The following SLC7A1 variants were observed in gnomAD, a reference collection of about 807,000 sequenced individuals.
SLC7A1 encodes the protein solute carrier family 7 member 1, also known as high affinity cationic amino acid transporter 1.
In SLC7A1, 10 loss-of-function variants were observed where a neutral mutation model predicts 53.9. The observed-to-expected ratio is 0.19, with a 90% confidence interval of 0.11 to 0.31. The LOEUF is 0.31. SLC7A1 is among the 10% of genes least tolerant of loss of function. The probability of loss-of-function intolerance (pLI) is 1.00; values close to 1 mark genes in which losing one functional copy is unlikely to be tolerated. For synonymous variants in SLC7A1, 342 were observed against 338.7 expected, an observed-to-expected ratio of 1.01 and a Z score of -0.11; for missense variants, 525 against 827.2, an observed-to-expected ratio of 0.63 and a Z score of 4.48.
At chr13:29,574,787 G>A (rs819385) in intron 1 of SLC7A1, among the ~76,000 whole-genome samples, 3,155 of 151,822 alleles carry the variant, frequency 0.021, 106 homozygotes, top group African/African-American at 0.071. Flanking sequence ...TGGGACTACA[G>A]GTGCGCGCCA....
chr13:29,577,346 C>T (rs1179075098), intron 1 of SLC7A1, among the ~76,000 whole-genome samples: 1 of 152,222 alleles, frequency 6.6e-6, no homozygotes, highest in Non-Finnish European at 1.5e-5. Flanking sequence ...CCAGATTCAG[C>T]AGGCTCCCAC....
chr13:29,536,974 T>C (rs1016165152), intron 2 of SLC7A1, among the ~76,000 whole-genome samples: 8 of 152,218 alleles, frequency 5.3e-5, no homozygotes, highest in Admixed American at 3.3e-4. Context: ...CATGCCCCAT[T>C]AGGGCCCAGG....
intron 2 of SLC7A1, among the ~76,000 whole-genome samples, chr13:29,539,209 C>T (rs146855050): frequency 0.012 from 1,758 of 152,258 alleles, 28 homozygotes; most frequent in African/African-American, 0.039. Flanking sequence ...TTGTCCTAGG[C>T]AGAACCAAAG....
chr13:29,554,234 A>C (rs1185434019), intron 1 of SLC7A1, among the ~76,000 whole-genome samples: 2 of 152,192 alleles, frequency 1.3e-5, no homozygotes, highest in Non-Finnish European at 2.9e-5. Flanking sequence ...ATGAAGGGGA[A>C]CGAGTCCGCT....
intron 2 of SLC7A1, among the ~76,000 whole-genome samples, chr13:29,545,314 C>G (rs1190306507): frequency 2.6e-5 from 4 of 152,186 alleles, no homozygotes; most frequent in Non-Finnish European, 5.9e-5. Flanking sequence ...ACCCTCTGCC[C>G]ACCCCCTTCA....
chr13:29,518,200 G>C (rs145601783), intron 9 of SLC7A1, among the ~76,000 whole-genome samples: 9 of 152,346 alleles, frequency 5.9e-5, no homozygotes, highest in Non-Finnish European at 5.9e-5. Context: ...TTGGCACAGA[G>C]AGCCAGAGAA....
chr13:29,514,633 C>T, intron 12 of SLC7A1, 50 bp from the exon 13 acceptor site: 1 of 1,417,898 alleles, frequency 7.1e-7, no homozygotes, highest in African/African-American at 1.4e-5. Flanking sequence ...GGTTGCACCA[C>T]CGCAGGCAGG....
intron 1 of SLC7A1, among the ~76,000 whole-genome samples, chr13:29,561,655 G>A (rs1168076784): frequency 2.0e-5 from 3 of 152,298 alleles, no homozygotes; most frequent in East Asian, 1.9e-4. Flanking sequence ...GGAGAGTGAT[G>A]GAGGACAGAA....
In SLC7A1 at chr13:29,516,305, T is replaced by C. The variant is rs1883553123; in HGVS notation, c.1678-59A>G. On this transcript the variant is annotated intron_variant, in intron 11 of 12. Transcript: ENST00000380752. The stretch of plus-strand genomic sequence containing the variant: ...AGTGGCGCCGGTTCCAATAGTTCAG[T>C]AAAACTGTCTAGTAAAGGCAGCACA... 8.4e-6 allele frequency: 9 copies of C among 1,077,724 alleles called. No homozygotes were observed. In the South Asian group the frequency reaches 1.2e-4, roughly 14 times the overall value. 66.8% of individuals were successfully genotyped at this position (1,077,724 alleles called of 1,614,324 possible).
At chr13:29,546,058 GGCTCCTC>G (rs1353204069) in intron 2 of SLC7A1, among the ~76,000 whole-genome samples, 6 of 152,182 alleles carry the variant, frequency 3.9e-5, no homozygotes, top group African/African-American at 1.4e-4. Flanking sequence ...TTGGAGCCAG[GGCTCCTC>G]TGACACGTGC....
intron 4 of SLC7A1, 97 bp downstream of exon 4, chr13:29,532,727 G>T: frequency 8.9e-7 from 1 of 1,119,884 alleles, no homozygotes; most frequent in Non-Finnish European, 1.3e-6. Flanking sequence ...GGGGGTTATG[G>T]TTAAAGAGAT....
chr13:29,576,956 G>T (rs1304392117), intron 1 of SLC7A1, among the ~76,000 whole-genome samples: 2 of 152,136 alleles, frequency 1.3e-5, no homozygotes, highest in East Asian at 3.9e-4. Context: ...GGTAGCTCTG[G>T]GTCAGAGGGG....
chr13:29,530,854 TG>T lies in SLC7A1; in HGVS notation c.530-143del. 3 of 632,854 alleles carry T rather than the reference TG, an allele frequency of 4.7e-6. No homozygotes were observed. The South Asian group carries it at 6.3e-5, about 13-fold the overall frequency. 39.2% of individuals were successfully genotyped at this position (632,854 alleles called of 1,614,324 possible). A position where few individuals can be genotyped will look rare whatever the true frequency, so the allele number is the denominator to read the frequency against. On this transcript the variant is annotated intron_variant, in intron 4 of 12. Coordinates refer to ENST00000380752, the MANE Select transcript of SLC7A1 (RefSeq NM_003045.5). ...GCAGACCTCTGTGAGCCTCTGGGAA[TG>T]GGGTGGATTAATTATCTTTCTGGGG...
chr13:29,561,300 A>C (rs967128959), intron 1 of SLC7A1, among the ~76,000 whole-genome samples: 1 of 152,196 alleles, frequency 6.6e-6, no homozygotes, highest in Non-Finnish European at 1.5e-5. Context: ...GGTCGACGTC[A>C]CAGTTAGTGG....
chr13:29,549,956 C>T lies in SLC7A1; in HGVS notation c.-15+3805G>A, dbSNP rs1275906195. Among the ~76,000 whole-genome samples, 4 of 152,182 alleles carry T rather than the reference C, an allele frequency of 2.6e-5. No individual in the cohort carries two copies. The East Asian group carries it at 7.7e-4, about 29-fold the overall frequency. The stretch of plus-strand genomic sequence containing the variant: ...GGGATTACAGATGTGAGCAACCATG[C>T]CCAGCCACTTCTATTGTTTTTTAAG... On this transcript the variant is annotated intron_variant, in intron 2 of 12. Coordinates refer to ENST00000380752, the MANE Select transcript of SLC7A1 (RefSeq NM_003045.5).
chr13:29,575,926 T>A (rs1359494036), intron 1 of SLC7A1, among the ~76,000 whole-genome samples: 1 of 152,146 alleles, frequency 6.6e-6, no homozygotes, highest in Non-Finnish European at 1.5e-5. Context: ...ATATCATTAA[T>A]GTTTAATGTT....
chr13:29,573,501 G>A (rs1458599160), intron 1 of SLC7A1, among the ~76,000 whole-genome samples: 1 of 152,210 alleles, frequency 6.6e-6, no homozygotes, highest in Non-Finnish European at 1.5e-5. Context: ...TAAAGCCAGA[G>A]AGTGTCTGAC....
At chr13:29,592,417 G>A (rs1260204115) in intron 1 of SLC7A1, among the ~76,000 whole-genome samples, 3 of 152,236 alleles carry the variant, frequency 2.0e-5, no homozygotes, top group South Asian at 4.1e-4. Flanking sequence ...AGTGGGCCAG[G>A]TAAATGGCAT....
At chr13:29,546,013 C>T (rs58915336) in intron 2 of SLC7A1, among the ~76,000 whole-genome samples, 2,718 of 152,280 alleles carry the variant, frequency 0.018, 96 homozygotes, top group African/African-American at 0.061. Context: ...AAATGTGTTA[C>T]AACAAAAACA....
Sources: allele counts gnomAD v4.1 joint callset (sites outside exome capture counted in the v4.1 genomes callset), GRCh38; gene constraint gnomAD v4.1.1; transcripts MANE v1.5; gene names NCBI Gene and HGNC (gene_info 2026-07-23, HGNC 2026-07-21).